Variants in LRP8 observed in about 807,000 individuals in gnomAD.
LRP8 encodes the protein LDL receptor related protein 8.
Under a neutral mutation model 111.6 loss-of-function variants are expected in LRP8, and 46 were observed. The observed-to-expected ratio is 0.41, with a 90% confidence interval of 0.33 to 0.53. The LOEUF is 0.53. LRP8 is among the 20% of genes least tolerant of loss of function. LRP8 has a pLI of 0.20. For missense variants in LRP8, 959 were observed against 1,297.4 expected (o/e 0.74, Z 4.01); for synonymous variants, 464 against 511.2 (o/e 0.91, Z 1.24).
intron 16 of LRP8, among the ~76,000 whole-genome samples, chr1:53,252,954 A>G (rs767762533): frequency 3.9e-5 from 6 of 152,226 alleles, no homozygotes; most frequent in Non-Finnish European, 7.4e-5. Context: ...AACTGCTTAG[A>G]CGCAAATCAA....
intron 2 of LRP8, among the ~76,000 whole-genome samples, chr1:53,321,420 C>T (rs1654498804): frequency 6.6e-6 from 1 of 152,166 alleles, no homozygotes; most frequent in Non-Finnish European, 1.5e-5. Flanking sequence ...CCCACAGACC[C>T]CAGTGCTGGC....
intron 2 of LRP8, among the ~76,000 whole-genome samples, chr1:53,320,991 G>A (rs1270328647): frequency 6.6e-6 from 1 of 152,192 alleles, no homozygotes; most frequent in African/African-American, 2.4e-5. Context: ...CATCATCTTC[G>A]AAATGAGAAC....
intron 1 of LRP8, 69 bp from the exon 2 acceptor site, chr1:53,327,061 C>T (rs1655233925): frequency 6.3e-7 from 1 of 1,578,164 alleles, no homozygotes; most frequent in East Asian, 2.3e-5. Context: ...CAGTCCGGGC[C>T]ACCCGGAAGG....
intron 9 of LRP8, 37 bp from the exon 10 acceptor site, chr1:53,264,433 T>G: frequency 6.5e-7 from 1 of 1,540,388 alleles, no homozygotes; most frequent in Non-Finnish European, 8.9e-7. Flanking sequence ...GGGCAGATGT[T>G]CCACCCATGG....
chr1:53,270,833 TTA>T (rs2100405079), intron 8 of LRP8, among the ~76,000 whole-genome samples, 193 bp downstream of exon 8: 1 of 152,366 alleles, frequency 6.6e-6, no homozygotes, highest in African/African-American at 2.4e-5. Flanking sequence ...AACCTTCGGC[TTA>T]TGTTACTAAT....
Position 53,317,771 on chromosome 1 carries a change from C to T in LRP8, c.244+9102G>A, listed in dbSNP as rs1653997012. Among the ~76,000 whole-genome samples, 1 of 152,206 alleles carries T rather than the reference C, an allele frequency of 6.6e-6. No individual in the cohort carries two copies. The highest frequency in any genetic ancestry group is 1.5e-5 in the Non-Finnish European group (1 of 68,046). ...AAAGTCTCATGAAGCTGGTGGGCCT[C>T]ACTCCATTTTTCTCCATCACTGCAC... On this transcript the variant is annotated intron_variant, in intron 2 of 18. Transcript: ENST00000306052. This position sits in a 1 kb window ranked among gnomAD's most constrained non-coding sequence, Gnocchi z 4.9.
intron 2 of LRP8, among the ~76,000 whole-genome samples, chr1:53,298,636 C>A (rs1650213397): frequency 6.6e-6 from 1 of 152,210 alleles, no homozygotes; most frequent in African/African-American, 2.4e-5. Context: ...ACCCTTTAGG[C>A]CCTCCAGCCA....
At chr1:53,319,450 C>T (rs775041381) in intron 2 of LRP8, among the ~76,000 whole-genome samples, 58 of 152,182 alleles carry the variant, frequency 3.8e-4, no homozygotes, top group Non-Finnish European at 6.8e-4. Flanking sequence ...ACATGAGCCC[C>T]ACAGCCCTGG....
At chr1:53,285,242 A>G (rs987375231) in intron 3 of LRP8, among the ~76,000 whole-genome samples, 1 of 152,100 alleles carries the variant, frequency 6.6e-6, no homozygotes, top group South Asian at 2.1e-4. Flanking sequence ...ACTGCACCTA[A>G]CCACTGCACA....
In LRP8 at chr1:53,246,349, A is replaced by G. The variant is rs1645726121; in HGVS notation, c.*669T>C. ...TAAATTTATCTTTATGTATTTGAAC[A>G]GTAGCCATAGATGTGCCTCTTCTCT... On this transcript the variant is annotated 3_prime_UTR_variant, in exon 19 of 19. Coordinates refer to ENST00000306052, the MANE Select transcript of LRP8 (RefSeq NM_004631.5). The G allele has an allele frequency of 6.6e-6, 1 of 152,254 alleles. No individual in the cohort carries two copies. The highest frequency in any genetic ancestry group is 6.5e-5 in the Admixed American group (1 of 15,280). 9.4% of individuals were successfully genotyped at this position (152,254 alleles called of 1,614,324 possible).
At chr1:53,311,289 G>A (rs1652946917) in intron 2 of LRP8, among the ~76,000 whole-genome samples, 1 of 152,128 alleles carries the variant, frequency 6.6e-6, no homozygotes, top group South Asian at 2.1e-4. Context: ...AGGGGTAGCT[G>A]TCTCTGCCTG....
At chr1:53,287,956 GAC>G (rs1454524639) in intron 3 of LRP8, 1 of 117,568 alleles carries the variant, frequency 8.5e-6, no homozygotes, top group Non-Finnish European at 1.6e-5. Context: ...GATGAAAAGG[GAC>G]ATCCACACAA....
chr1:53,264,449 T>C (rs1646473976), intron 9 of LRP8, 53 bp from the exon 10 acceptor site: 4 of 1,440,900 alleles, frequency 2.8e-6, no homozygotes, highest in Non-Finnish European at 2.9e-6. Context: ...CATGGGCCCA[T>C]CTGGAGCTAC....
At chr1:53,316,808 C>T (rs933281129) in intron 2 of LRP8, among the ~76,000 whole-genome samples, 3 of 152,208 alleles carry the variant, frequency 2.0e-5, no homozygotes, top group Non-Finnish European at 2.9e-5. Flanking sequence ...CAGCCCTCTC[C>T]GGGTGGGACC....
intron 3 of LRP8, among the ~76,000 whole-genome samples, chr1:53,282,840 G>A (rs1572534844): frequency 1.3e-5 from 2 of 152,130 alleles, no homozygotes; most frequent in Non-Finnish European, 2.9e-5. Flanking sequence ...TACGATAAAA[G>A]TGATACAGAT....
intron 6 of LRP8, chr1:53,272,624 C>T (rs1205861124): frequency 1.6e-6 from 2 of 1,289,666 alleles, no homozygotes; most frequent in East Asian, 5.5e-5. Context: ...CCTCCTGTTT[C>T]CCAGGAATGT....
At chr1:53,278,859 C>T (rs575167817) in intron 4 of LRP8, among the ~76,000 whole-genome samples, 2 of 151,646 alleles carry the variant, frequency 1.3e-5, no homozygotes, top group East Asian at 3.9e-4. Flanking sequence ...ACCCCACCTC[C>T]TGCGTTCCAG....
chr1:53,276,542 C>G lies in LRP8; in HGVS notation c.883+150G>C, dbSNP rs796558930. ...AGCTGCGTGAATTCAAATAAGTCAC[C>G]TCACTTCTCCCAGCCTCGGTCTCCT... On this transcript the variant is annotated intron_variant, in intron 5 of 18. Coordinates refer to ENST00000306052, the MANE Select transcript of LRP8 (RefSeq NM_004631.5). 13 of 543,688 alleles carry G rather than the reference C, an allele frequency of 2.4e-5. No homozygotes were observed. In the South Asian group the frequency reaches 4.6e-4, roughly 19 times the overall value. The allele number at this position is 543,688 out of a possible 1,614,324, so 33.7% of individuals were successfully genotyped here. A position where few individuals can be genotyped will look rare whatever the true frequency, so the allele number is the denominator to read the frequency against.
chr1:53,326,753 C>T, intron 2 of LRP8, 120 bp downstream of exon 2: 1 of 1,451,432 alleles, frequency 6.9e-7, no homozygotes, highest in Non-Finnish European at 9.1e-7. Flanking sequence ...GTCGCAGGCT[C>T]CGGCGGCAAG....
Sources: allele counts gnomAD v4.1 joint callset (sites outside exome capture counted in the v4.1 genomes callset), GRCh38; gene constraint gnomAD v4.1.1; non-coding constraint Gnocchi (gnomAD v3.1); transcripts MANE v1.5; gene names NCBI Gene and HGNC (gene_info 2026-07-23, HGNC 2026-07-21).